The following SLCO3A1 variants were observed in gnomAD, a reference collection of about 807,000 sequenced individuals.
SLCO3A1 encodes solute carrier organic anion transporter family member 3A1.
Under a neutral mutation model 63.1 loss-of-function variants are expected in SLCO3A1, and 27 were observed. The ratio of observed to expected loss-of-function variants is 0.43; its 90% CI spans 0.32 to 0.59. The LOEUF (loss-of-function observed/expected upper bound fraction) is 0.59. Ranked by LOEUF, SLCO3A1 falls within the 20% of genes least tolerant of loss-of-function variation. The probability of loss-of-function intolerance (pLI) is 0.09; values close to 1 mark genes in which losing one functional copy is unlikely to be tolerated. For synonymous variants in SLCO3A1, 473 were observed against 409.9 expected (o/e 1.15, Z -1.86); for missense variants, 773 against 945.8 (o/e 0.82, Z 2.40).
In SLCO3A1 at chr15:92,126,243, G is replaced by C; in HGVS notation, c.1357G>C (p.Val453Leu). The C allele has an allele frequency of 6.2e-7, 1 of 1,613,990 alleles. No homozygotes were observed. The highest frequency in any genetic ancestry group is 1.1e-5 in the South Asian group (1 of 91,074). ...CACTGGCCCTGTGGCTGGGGTTACT[G>C]TTCCCTATGGAAACAGGTGAGTACT... ...CDTGPVAGVTVPYGNSTAPGS... is the reference protein window; with the variant it reads ...CDTGPVAGVTLPYGNSTAPGS... Residue 453 changes from valine (V) to leucine (L), a missense_variant, in exon 6 of 10, where the codon GTT (valine) becomes CTT (leucine). By Grantham distance (32) the Val-to-Leu change is conservative. Transcript: ENST00000318445.
intron 2 of SLCO3A1, among the ~76,000 whole-genome samples, chr15:91,976,882 G>T (rs1405241869): frequency 1.3e-5 from 2 of 152,098 alleles, no homozygotes; most frequent in South Asian, 2.1e-4. Context: ...GCAAAGGGAG[G>T]CAGGGCGAGA....
intron 4 of SLCO3A1, among the ~76,000 whole-genome samples, chr15:92,116,130 A>T (rs1328265366): frequency 6.6e-6 from 1 of 152,068 alleles, no homozygotes; most frequent in African/African-American, 2.4e-5. Flanking sequence ...TCATCTGTAA[A>T]TGGGGGATTT....
In SLCO3A1 at chr15:91,915,003, T is replaced by C. The variant is rs74457004; in HGVS notation, c.181-990T>C. On this transcript the variant is annotated intron_variant, in intron 1 of 9. Coordinates refer to ENST00000318445, the MANE Select transcript of SLCO3A1 (RefSeq NM_013272.4). ...GTCAGATCTCCCATGACAAGGACTC[T>C]TGTCTTGCTCACAGCACCCTGCGTG... Among the ~76,000 whole-genome samples, 44 of 152,302 alleles carry C rather than the reference T, an allele frequency of 2.9e-4. No homozygotes were observed. In the East Asian group the frequency reaches 7.5e-3, roughly 26 times the overall value.
At chr15:91,955,438 T>C (rs2151415878) in intron 2 of SLCO3A1, among the ~76,000 whole-genome samples, 1 of 152,250 alleles carries the variant, frequency 6.6e-6, no homozygotes, top group South Asian at 2.1e-4. Flanking sequence ...GTTCAACCAG[T>C]TCTCCTGTCT....
At chr15:92,087,848 G>A (rs947040708) in intron 2 of SLCO3A1, among the ~76,000 whole-genome samples, 7 of 152,150 alleles carry the variant, frequency 4.6e-5, no homozygotes, top group Non-Finnish European at 7.4e-5. Context: ...ATCAGTAATA[G>A]TATTAAAGTT....
chr15:91,969,299 G>A (rs1388686586), intron 2 of SLCO3A1, among the ~76,000 whole-genome samples: 1 of 148,724 alleles, frequency 6.7e-6, no homozygotes, highest in Non-Finnish European at 1.5e-5. Flanking sequence ...GTGTTTGTCT[G>A]TATATATATA....
chr15:92,019,193 T>G (rs2046476347), intron 2 of SLCO3A1, among the ~76,000 whole-genome samples: 5 of 152,132 alleles, frequency 3.3e-5, no homozygotes, highest in African/African-American at 1.2e-4. Context: ...GTGTGAGATT[T>G]AGGGTGCCCT....
intron 2 of SLCO3A1, among the ~76,000 whole-genome samples, chr15:91,918,221 G>C (rs568711954): frequency 3.3e-4 from 51 of 152,344 alleles, no homozygotes; most frequent in African/African-American, 1.2e-3. Flanking sequence ...AGGTGGAGGC[G>C]TGGACAGTAG....
chr15:92,054,537 G>A (rs1271875811), intron 2 of SLCO3A1, among the ~76,000 whole-genome samples: 3 of 152,074 alleles, frequency 2.0e-5, no homozygotes, highest in African/African-American at 7.2e-5. Context: ...GTGGTTTGCT[G>A]CACCTGTCAA....
intron 2 of SLCO3A1, among the ~76,000 whole-genome samples, chr15:92,019,832 C>T (rs1438955877): frequency 6.6e-6 from 1 of 152,116 alleles, no homozygotes; most frequent in Non-Finnish European, 1.5e-5. Context: ...ACTTGGGTGC[C>T]TTATTGTCTG....
At chr15:92,061,213 G>T (rs749763911) in intron 2 of SLCO3A1, among the ~76,000 whole-genome samples, 5 of 152,200 alleles carry the variant, frequency 3.3e-5, no homozygotes, top group Admixed American at 6.5e-5. Context: ...TTGTTCTTCT[G>T]GGTTTCCCCT....
chr15:91,939,485 T>A (rs1453045082), intron 2 of SLCO3A1, among the ~76,000 whole-genome samples: 1 of 152,150 alleles, frequency 6.6e-6, no homozygotes, highest in East Asian at 1.9e-4. Context: ...ACCTCCCAGC[T>A]TTGCAGGGCT....
At chr15:91,977,900 A>G (rs1327255303) in intron 2 of SLCO3A1, among the ~76,000 whole-genome samples, 1 of 152,198 alleles carries the variant, frequency 6.6e-6, no homozygotes, top group East Asian at 1.9e-4. Flanking sequence ...GAAACTCTGA[A>G]GTTCTTGAGG....
chr15:91,971,412 C>CAAAAAAAAAAAAAAAAAAAAAA (rs1193750050), intron 2 of SLCO3A1, among the ~76,000 whole-genome samples: 6 of 43,224 alleles, frequency 1.4e-4, no homozygotes, highest in Non-Finnish European at 2.6e-4. Flanking sequence ...AAAAAAAAAG[C>CAAAAAAAAAAAAAAAAAAAAAA]AACCTCTTCC....
chr15:92,021,993 C>CAAT (rs1297060136), intron 2 of SLCO3A1, among the ~76,000 whole-genome samples: 1 of 152,152 alleles, frequency 6.6e-6, no homozygotes, highest in Non-Finnish European at 1.5e-5. Context: ...AAGGCAAAGC[C>CAAT]AATACATTTT....
intron 2 of SLCO3A1, among the ~76,000 whole-genome samples, chr15:91,926,402 G>GA (rs1164786217): frequency 1.3e-5 from 2 of 152,152 alleles, no homozygotes; most frequent in African/African-American, 2.4e-5. Flanking sequence ...TTATTGAATG[G>GA]AAAAAATATA....
At chr15:92,054,407 T>C (rs2046997560) in intron 2 of SLCO3A1, among the ~76,000 whole-genome samples, 1 of 152,238 alleles carries the variant, frequency 6.6e-6, no homozygotes, top group South Asian at 2.1e-4. Flanking sequence ...CAAAAAATGA[T>C]CCCAAGTCTT....
rs868061866 is a variant in SLCO3A1 at position 92,163,558 on chromosome 15, A to T, written c.*423A>T. 4.2e-4 allele frequency: 381 copies of T among 912,534 alleles called. 2 individuals are homozygous for T. In the Middle Eastern group the frequency reaches 8.6e-3, roughly 21 times the overall value. The allele number at this position is 912,534 out of a possible 1,614,324, so 56.5% of individuals were successfully genotyped here. A position where few individuals can be genotyped will look rare whatever the true frequency, so the allele number is the denominator to read the frequency against. On this transcript the variant is annotated 3_prime_UTR_variant, in exon 10 of 10. Transcript: ENST00000318445. ...AAGTTTCCTAAAATAAAAAAAATTAAAAAAAAAAAACCCACAAGTTGAAAA... is the reference window on the plus strand; with the variant it reads ...AAGTTTCCTAAAATAAAAAAAATTATAAAAAAAAAACCCACAAGTTGAAAA...
At chr15:92,141,475 G>A (rs796196850) in intron 7 of SLCO3A1, among the ~76,000 whole-genome samples, 27 of 152,286 alleles carry the variant, frequency 1.8e-4, no homozygotes, top group African/African-American at 6.0e-4. Flanking sequence ...GGTTTGGGGT[G>A]AGAATTAGGA....
Sources: allele counts gnomAD v4.1 joint callset (sites outside exome capture counted in the v4.1 genomes callset), GRCh38; gene constraint gnomAD v4.1.1; transcripts MANE v1.5; gene names NCBI Gene and HGNC (gene_info 2026-07-23, HGNC 2026-07-21).